The following DCC variants were observed in gnomAD, a reference collection of about 807,000 sequenced individuals.
The protein encoded by DCC is DCC netrin 1 receptor, also known as netrin receptor DCC.
Under a neutral mutation model 172.5 loss-of-function variants are expected in DCC, and 58 were observed. That is an observed-to-expected ratio of 0.34 (90% CI 0.27 to 0.42). The LOEUF is 0.42. DCC is among the 10% of genes least tolerant of loss of function. The probability of loss-of-function intolerance (pLI) is 1.00; values close to 1 mark genes in which losing one functional copy is unlikely to be tolerated. For missense variants in DCC, 1,740 were observed against 1,791.0 expected, an observed-to-expected ratio of 0.97 and a Z score of 0.51; for synonymous variants, 709 against 644.5, an observed-to-expected ratio of 1.10 and a Z score of -1.52.
chr18:53,050,098 G>A (rs527780555), intron 5 of DCC, among the ~76,000 whole-genome samples: 1 of 152,234 alleles, frequency 6.6e-6, no homozygotes, highest in South Asian at 2.1e-4. Context: ...GAAGCATCCA[G>A]CACAGGAGAA....
At chr18:53,114,665 GGTTAT>G (rs1187186231) in intron 7 of DCC, among the ~76,000 whole-genome samples, 1 of 151,496 alleles carries the variant, frequency 6.6e-6, no homozygotes, top group Non-Finnish European at 1.5e-5. Flanking sequence ...TAGAGTGGTG[GGTTAT>G]TGACATGCAG....
At chr18:53,295,146 C>T (rs868364014) in intron 12 of DCC, among the ~76,000 whole-genome samples, 4 of 152,216 alleles carry the variant, frequency 2.6e-5, no homozygotes, top group African/African-American at 9.6e-5. Context: ...AGTTTTCCCT[C>T]TGGAAATGTA....
chr18:53,489,332 T>C (rs942495955), intron 26 of DCC, among the ~76,000 whole-genome samples: 4 of 152,176 alleles, frequency 2.6e-5, no homozygotes, highest in Non-Finnish European at 5.9e-5. Flanking sequence ...CTAATATGTG[T>C]TCCAAGTGAC....
chr18:52,562,331 C>T (rs1255915481), intron 1 of DCC, among the ~76,000 whole-genome samples: 1 of 152,126 alleles, frequency 6.6e-6, no homozygotes, highest in Non-Finnish European at 1.5e-5. Context: ...GTTAAGGTAA[C>T]AGACATGAAT....
chr18:52,389,634 A>G (rs141914585), intron 1 of DCC, among the ~76,000 whole-genome samples: 1 of 150,578 alleles, frequency 6.6e-6, no homozygotes, highest in East Asian at 2.0e-4. Context: ...AACTGATGGC[A>G]CTTATAAAAA....
chr18:52,575,411 G>C (rs1231407692), intron 1 of DCC, among the ~76,000 whole-genome samples: 1 of 152,132 alleles, frequency 6.6e-6, no homozygotes, highest in Non-Finnish European at 1.5e-5. Flanking sequence ...TATTACTCAC[G>C]TTATTCACTG....
chr18:53,242,182 A>G (rs1598939376), intron 12 of DCC, among the ~76,000 whole-genome samples: 1 of 152,168 alleles, frequency 6.6e-6, no homozygotes, highest in East Asian at 1.9e-4. Flanking sequence ...GGGAAACTAC[A>G]GCAGCTGCAA....
chr18:52,638,735 T>C (rs1203883862), intron 1 of DCC, among the ~76,000 whole-genome samples: 3 of 151,276 alleles, frequency 2.0e-5, no homozygotes, highest in African/African-American at 7.3e-5. Flanking sequence ...AGAAATGAGA[T>C]AGACAGCAAC....
At chr18:52,609,603 G>T (rs1289462021) in intron 1 of DCC, among the ~76,000 whole-genome samples, 2 of 151,854 alleles carry the variant, frequency 1.3e-5, no homozygotes, top group Non-Finnish European at 2.9e-5. Flanking sequence ...TAGAATTTCT[G>T]GGGCATCTTG....
intron 15 of DCC, among the ~76,000 whole-genome samples, chr18:53,368,842 G>A (rs1489047458): frequency 6.6e-6 from 1 of 151,812 alleles, no homozygotes; most frequent in African/African-American, 2.4e-5. Flanking sequence ...GATTACTGTA[G>A]CCTTATAGTA....
At chr18:52,949,384 T>C (rs1201794371) in intron 5 of DCC, among the ~76,000 whole-genome samples, 6 of 152,182 alleles carry the variant, frequency 3.9e-5, no homozygotes, top group Non-Finnish European at 8.8e-5. Context: ...CTCTTCCTCC[T>C]TCCCCTCCTG....
At chr18:53,312,645 T>C (rs2057288504) in intron 13 of DCC, among the ~76,000 whole-genome samples, 1 of 149,676 alleles carries the variant, frequency 6.7e-6, no homozygotes, top group African/African-American at 2.5e-5. Flanking sequence ...CCGTCTTTAC[T>C]AAAAATACAA....
chr18:53,013,098 TAAG>T (rs2143887373), intron 5 of DCC, among the ~76,000 whole-genome samples: 1 of 152,210 alleles, frequency 6.6e-6, no homozygotes, highest in Non-Finnish European at 1.5e-5. Context: ...CTCAGAGAAA[TAAG>T]AACACATTTA....
At chr18:52,786,974 T>G (rs2037672286) in intron 2 of DCC, among the ~76,000 whole-genome samples, 2 of 152,150 alleles carry the variant, frequency 1.3e-5, no homozygotes, top group African/African-American at 4.8e-5. Flanking sequence ...TATATTGCCA[T>G]AAGTTAAGAG....
chr18:53,030,389 A>G (rs545327388), intron 5 of DCC, among the ~76,000 whole-genome samples: 2 of 152,252 alleles, frequency 1.3e-5, no homozygotes, highest in South Asian at 4.1e-4. Context: ...GACTGAATAA[A>G]TGAATGGGAC....
chr18:52,527,590 A>G (rs761829669), intron 1 of DCC, among the ~76,000 whole-genome samples: 2 of 152,204 alleles, frequency 1.3e-5, no homozygotes, highest in Non-Finnish European at 1.5e-5. Flanking sequence ...TAATGTTTAC[A>G]TATGTAACAA....
chr18:52,960,036 A>G (rs2040816491), intron 5 of DCC, among the ~76,000 whole-genome samples: 1 of 152,150 alleles, frequency 6.6e-6, no homozygotes, highest in Non-Finnish European at 1.5e-5. Context: ...ATGAAAAGGT[A>G]TAGTTTCTAC....
chr18:52,994,300 C>T (rs1479914903), intron 5 of DCC, among the ~76,000 whole-genome samples: 1 of 151,638 alleles, frequency 6.6e-6, no homozygotes, highest in Non-Finnish European at 1.5e-5. Flanking sequence ...TCAAAATTTC[C>T]ACCAATTTAG....
intron 1 of DCC, among the ~76,000 whole-genome samples, chr18:52,668,642 G>A (rs1328043045): frequency 6.6e-6 from 1 of 152,194 alleles, no homozygotes; most frequent in Non-Finnish European, 1.5e-5. Context: ...CATCTTTGAT[G>A]GAAGAGCAGA....
Sources: gnomAD v4.1 joint callset for allele counts (sites outside exome capture counted in the v4.1 genomes callset) on GRCh38, gnomAD v4.1.1 for gene constraint, MANE v1.5 for transcripts, NCBI Gene and HGNC (gene_info 2026-07-23, HGNC 2026-07-21) for gene names.